LACTB2: variants seen among roughly 807,000 people sequenced by gnomAD.
The protein encoded by LACTB2 is endoribonuclease LACTB2.
In LACTB2, 32 loss-of-function variants were observed where a neutral mutation model predicts 34.8. The observed-to-expected ratio is 0.92, with a 90% CI of 0.69 to 1.24. The LOEUF (loss-of-function observed/expected upper bound fraction) is 1.24, where lower values mean the gene tolerates loss of function less well. LACTB2 is among the 50% of genes most tolerant of loss of function. The pLI is 0.00. For synonymous variants in LACTB2, 120 were observed against 117.5 expected (o/e 1.02, Z -0.14); for missense variants, 320 against 345.0 (o/e 0.93, Z 0.57).
chr8:70,660,596 C>G (rs545743613), intron 2 of LACTB2: 19 of 456,266 alleles, frequency 4.2e-5, no homozygotes, highest in African/African-American at 3.8e-4. Context: ...CCTGAATGTG[C>G]CAACCACACT....
Position 70,668,985 on chromosome 8 carries a change from A to G in LACTB2, c.122+14T>C, listed in dbSNP as rs1818584341. On this transcript the variant is annotated intron_variant, in intron 1 of 6. Transcript: ENST00000276590. Reference sequence around the variant, plus strand: ...CGGCTGCGAACGTTGGGGAGGTTGGAGAGGGACGTTTACCTGGGGCCGGTC... The same window carrying G: ...CGGCTGCGAACGTTGGGGAGGTTGGGGAGGGACGTTTACCTGGGGCCGGTC... The G allele has an allele frequency of 6.4e-7, 1 of 1,573,816 alleles. No homozygotes were observed. The highest frequency in any genetic ancestry group is 1.3e-5 in the African/African-American group (1 of 74,242).
chr8:70,664,420 A>C (rs1818515284), intron 1 of LACTB2, among the ~76,000 whole-genome samples: 1 of 152,184 alleles, frequency 6.6e-6, no homozygotes, highest in South Asian at 2.1e-4. Context: ...AAGAAAACAG[A>C]TCTTTTAGAA....
intron 3 of LACTB2, among the ~76,000 whole-genome samples, chr8:70,648,444 T>C (rs1818293220): frequency 6.6e-6 from 1 of 152,046 alleles, no homozygotes. Context: ...AAGCAACATT[T>C]TGGGAACAAA....
intron 3 of LACTB2, among the ~76,000 whole-genome samples, chr8:70,648,248 A>G (rs1034595262): frequency 6.6e-6 from 1 of 152,200 alleles, no homozygotes; most frequent in Non-Finnish European, 1.5e-5. Context: ...ATTAGTAAAC[A>G]TCAGAAGATA....
Position 70,641,046 on chromosome 8 carries a change from A to G in LACTB2, c.597T>C (p.His199=). ...KIKADIIYPG[H]GPVIHNAEAK... is the part of the protein sequence containing the mutation. ...CTTCAGCATTATGAATTACTGGGCC[A>G]TGTCCTGAATTAAAATAATTATAAG... The change falls in exon 5 of 7, where the codon CAT becomes CAC. Residue 199 remains histidine, a synonymous_variant. Coordinates refer to ENST00000276590, the MANE Select transcript of LACTB2 (RefSeq NM_016027.3). 1 of 1,592,196 alleles carries G rather than the reference A, an allele frequency of 6.3e-7. No homozygotes were observed.
In LACTB2 at chr8:70,661,781, C is replaced by T. The variant is rs183301170; in HGVS notation, c.239G>A (p.Arg80Gln). The stretch of plus-strand genomic sequence containing the variant: ...ATCTCCTATGCCTCCAGAATGATCT[C>T]GGTGCCAGTGAGTCACTACAATTTC... Reference protein sequence around the residue: ...IQEIVVTHWHRDHSGGIGDIC... With the variant: ...IQEIVVTHWHQDHSGGIGDIC... Residue 80 changes from arginine to glutamine, a missense_variant, in exon 2 of 7, where the codon CGA (arginine) becomes CAA (glutamine). Coordinates refer to ENST00000276590, the MANE Select transcript of LACTB2 (RefSeq NM_016027.3). 27 of 1,613,528 alleles carry T rather than the reference C, an allele frequency of 1.7e-5. No individual in the cohort carries two copies. The highest frequency in any genetic ancestry group is 1.6e-4 in the South Asian group (15 of 91,002).
Position 70,661,751 on chromosome 8 carries a change from C to A in LACTB2, c.269G>T (p.Cys90Phe). The A allele has an allele frequency of 6.2e-7, 1 of 1,608,052 alleles. No individual in the cohort carries two copies. Among genetic ancestry groups the A allele is most frequent in the South Asian group, 1.1e-5 (1 of 89,416 alleles). The change falls in exon 2 of 7, where the codon TGT becomes TTT. Residue 90 changes from cysteine (C) to phenylalanine (F), a missense_variant. Coordinates refer to ENST00000276590, the MANE Select transcript of LACTB2 (RefSeq NM_016027.3). ...CTGTTTACCATTATTGATGCTTTTA[C>A]AAATATCTCCTATGCCTCCAGAATG... ...RDHSGGIGDICKSINNDTTYC... is the reference protein window; with the variant it reads ...RDHSGGIGDIFKSINNDTTYC...
At chr8:70,659,267 A>G (rs912881507) in intron 2 of LACTB2, among the ~76,000 whole-genome samples, 2 of 152,118 alleles carry the variant, frequency 1.3e-5, no homozygotes, top group Non-Finnish European at 2.9e-5. Flanking sequence ...CTGATGATCA[A>G]TATGGCGGCT....
chr8:70,656,861 T>C (rs1818417798), intron 3 of LACTB2, among the ~76,000 whole-genome samples: 1 of 152,042 alleles, frequency 6.6e-6, no homozygotes, highest in South Asian at 2.1e-4. Flanking sequence ...ATATTTTTGA[T>C]GTAAAAACTA....
intron 3 of LACTB2, among the ~76,000 whole-genome samples, chr8:70,654,263 T>C (rs1262815293): frequency 2.6e-5 from 4 of 152,124 alleles, no homozygotes; most frequent in Non-Finnish European, 4.4e-5. Flanking sequence ...AGGGGTGATA[T>C]AAACAAAAAC....
chr8:70,646,659 AGGTATT>A (rs1818267744), intron 3 of LACTB2: 1 of 152,194 alleles, frequency 6.6e-6, no homozygotes, highest in Admixed American at 6.5e-5. Flanking sequence ...AAAGTATGAC[AGGTATT>A]TTATTTCAAA....
intron 2 of LACTB2, chr8:70,661,350 G>T (rs1818479331): frequency 7.1e-6 from 2 of 282,696 alleles, no homozygotes; most frequent in African/African-American, 4.5e-5. Flanking sequence ...GCATATCTTA[G>T]TAACTGCCTT....
intron 3 of LACTB2, among the ~76,000 whole-genome samples, chr8:70,645,756 G>A (rs1160091733): frequency 6.8e-6 from 1 of 147,836 alleles, no homozygotes; most frequent in Non-Finnish European, 1.5e-5. Context: ...TTGGTGTTTT[G>A]TCCTTGCGAT....
intron 1 of LACTB2, among the ~76,000 whole-genome samples, chr8:70,666,888 A>G (rs148981410): frequency 8.1e-4 from 124 of 152,332 alleles, no homozygotes; most frequent in African/African-American, 3.0e-3. Flanking sequence ...TATGGAAAAC[A>G]CTGAGTTCCA....
At chr8:70,654,593 C>G (rs1818386088) in intron 3 of LACTB2, 1 of 152,004 alleles carries the variant, frequency 6.6e-6, no homozygotes, top group Admixed American at 6.6e-5. Flanking sequence ...TGGGTTTCTA[C>G]TTTGTGGCCC....
At position 70,638,637 on chromosome 8, in the gene LACTB2, A is replaced by G. The variant is rs781130427; in HGVS notation, c.742-8T>C. The G allele has an allele frequency of 5.0e-6, 7 of 1,397,794 alleles. No homozygotes were observed. The South Asian group carries it at 1.1e-4, about 22-fold the overall frequency. 86.6% of individuals were successfully genotyped at this position (1,397,794 alleles called of 1,614,324 possible). A position where few individuals can be genotyped will look rare whatever the true frequency, so the allele number is the denominator to read the frequency against. ...TAAATTCTCAGGAGTATTCTAAAAG[A>G]AAAATGAAGGTGAAAAAAATTCCTT... On this transcript the variant is annotated splice_region_variant and splice_polypyrimidine_tract_variant and intron_variant, in intron 5 of 6. Transcript: ENST00000276590.
intron 1 of LACTB2, 56 bp from the exon 2 acceptor site, chr8:70,661,953 T>C: frequency 7.0e-7 from 1 of 1,420,660 alleles, no homozygotes; most frequent in South Asian, 1.4e-5. Flanking sequence ...GACATTAGCA[T>C]TATTTTGCAC....
At chr8:70,641,260 C>A (rs1260238706) in intron 4 of LACTB2, among the ~76,000 whole-genome samples, 1 of 152,062 alleles carries the variant, frequency 6.6e-6, no homozygotes, top group Admixed American at 6.5e-5. Flanking sequence ...ATAGCAAATA[C>A]AATCTATAGA....
chr8:70,661,845 A>C lies in LACTB2; in HGVS notation c.175T>G (p.Leu59Val), dbSNP rs1259764428. The change falls in exon 2 of 7, where the codon TTA (leucine) becomes GTA (valine). Residue 59 changes from leucine to valine, a missense_variant. Coordinates refer to ENST00000276590, the MANE Select transcript of LACTB2 (RefSeq NM_016027.3). ...TTAAATTCAGTTAGAGCCTGCTTTA[A>C]ACAGCTGATGTATTCTGGAATTGCT... ...EPAIPEYISC[L>V]KQALTEFNTA... 4 of 1,613,776 alleles carry C rather than the reference A, an allele frequency of 2.5e-6. No individual in the cohort carries two copies. Among genetic ancestry groups the C allele is most frequent in the South Asian group, 1.1e-5 (1 of 91,024 alleles).
Sources: allele counts gnomAD v4.1 joint callset (sites outside exome capture counted in the v4.1 genomes callset), GRCh38; gene constraint gnomAD v4.1.1; transcripts MANE v1.5; gene names NCBI Gene and HGNC (gene_info 2026-07-23, HGNC 2026-07-21).